The following KIF14 variants were observed in gnomAD, a reference collection of about 807,000 sequenced individuals.
KIF14 encodes the protein kinesin-like protein KIF14.
Under a neutral mutation model 176.2 loss-of-function variants are expected in KIF14, and 98 were observed. The observed-to-expected ratio is 0.56, with a 90% CI of 0.47 to 0.66. The LOEUF (loss-of-function observed/expected upper bound fraction) is 0.66. Ranked by LOEUF, KIF14 falls within the 30% of genes least tolerant of loss-of-function variation. The pLI is 0.00. For missense variants in KIF14, 1,751 were observed against 1,920.4 expected (o/e 0.91, Z 1.65); for synonymous variants, 566 against 632.2 (o/e 0.90, Z 1.57).
chr1:200,592,372 T>C (rs1659098037), intron 15 of KIF14, 132 bp from the exon 16 acceptor site: 1 of 683,570 alleles, frequency 1.5e-6, no homozygotes, highest in Non-Finnish European at 2.3e-6. Context: ...GCAACTAACA[T>C]TTATTACTTT....
intron 28 of KIF14, among the ~76,000 whole-genome samples, chr1:200,555,065 G>A (rs1014569620): frequency 6.6e-6 from 1 of 151,892 alleles, no homozygotes; most frequent in Non-Finnish European, 1.5e-5. Context: ...TAAAATCTTT[G>A]AGCACAATGA....
intron 14 of KIF14, among the ~76,000 whole-genome samples, chr1:200,594,925 T>C (rs1433227633): frequency 1.3e-5 from 2 of 152,238 alleles, no homozygotes; most frequent in Non-Finnish European, 2.9e-5. Flanking sequence ...GTACTTGTTC[T>C]GATCCCTTTC....
intron 14 of KIF14, among the ~76,000 whole-genome samples, chr1:200,594,728 G>T (rs961473763): frequency 1.3e-5 from 2 of 152,142 alleles, no homozygotes; most frequent in African/African-American, 4.8e-5. Context: ...AAGAAAAACT[G>T]CAACAAAAGC....
chr1:200,605,524 G>A (rs1247014931), intron 7 of KIF14, 134 bp from the exon 8 acceptor site: 4 of 558,128 alleles, frequency 7.2e-6, no homozygotes, highest in Non-Finnish European at 9.3e-6. Context: ...AATTAAGAGA[G>A]ATAACATATA....
chr1:200,590,541 GT>G (rs1174471344), intron 16 of KIF14, among the ~76,000 whole-genome samples: 1 of 152,048 alleles, frequency 6.6e-6, no homozygotes, highest in East Asian at 1.9e-4. Flanking sequence ...CAGTGCTTTA[GT>G]AACTACATTA....
rs1047902070 is a variant in KIF14, at chr1:200,552,711, C to A, written c.*677G>T. On this transcript the variant is annotated 3_prime_UTR_variant, in exon 30 of 30. Coordinates refer to ENST00000367350, the MANE Select transcript of KIF14 (RefSeq NM_014875.3). Reference sequence around the variant, plus strand: ...CTTTGAGAAAAGAATTTTTGATTAACAATGCAAGTTAAGTTGTCTTAGTTA... The same window carrying A: ...CTTTGAGAAAAGAATTTTTGATTAAAAATGCAAGTTAAGTTGTCTTAGTTA... The A allele has an allele frequency of 3.4e-4, 51 of 152,096 alleles. No homozygotes were observed. Among genetic ancestry groups the A allele is most frequent in the African/African-American group, 1.2e-3 (49 of 41,520 alleles). 9.4% of individuals were successfully genotyped at this position (152,096 alleles called of 1,614,324 possible).
chr1:200,571,176 G>A (rs898557314), intron 22 of KIF14, among the ~76,000 whole-genome samples: 11 of 152,010 alleles, frequency 7.2e-5, no homozygotes, highest in African/African-American at 2.2e-4. Flanking sequence ...CTAGCCGGGC[G>A]TGGTGGCAGC....
At chr1:200,567,005 T>G (rs1458465884) in intron 23 of KIF14, among the ~76,000 whole-genome samples, 4 of 151,220 alleles carry the variant, frequency 2.6e-5, no homozygotes, top group African/African-American at 9.7e-5. Flanking sequence ...TGAAACCCCG[T>G]CTCTACTAAA....
intron 18 of KIF14, 77 bp from the exon 19 acceptor site, chr1:200,586,304 T>C: frequency 7.9e-7 from 1 of 1,269,844 alleles, no homozygotes; most frequent in Middle Eastern, 2.4e-4. Context: ...ATTGAGATGA[T>C]GGATATGTTA....
At position 200,618,620 on chromosome 1, in the gene KIF14, C is replaced by A; in HGVS notation, c.104G>T (p.Arg35Leu). The A allele has an allele frequency of 5.0e-6, 8 of 1,614,024 alleles. No homozygotes were observed. Among genetic ancestry groups the A allele is most frequent in the Non-Finnish European group, 6.8e-6 (8 of 1,180,018 alleles). ...ATCCGACTTCAAATGCAGCTTAAGTCGGCTACTGTGGGTGAGGGCATTCAG... is the reference window on the plus strand; with the variant it reads ...ATCCGACTTCAAATGCAGCTTAAGTAGGCTACTGTGGGTGAGGGCATTCAG... ...SSLNALTHSSRLKLHLKSDMS... is the reference protein window; with the variant it reads ...SSLNALTHSSLLKLHLKSDMS... Residue 35 changes from arginine to leucine, a missense_variant, in exon 2 of 30, where the codon CGA becomes CTA. Transcript: ENST00000367350.
rs773306782 is a variant in KIF14, at chr1:200,603,264, C to T, written c.1941G>A (p.Arg647=). The T allele has an allele frequency of 3.7e-6, 6 of 1,609,104 alleles. No individual in the cohort carries two copies. Among genetic ancestry groups the T allele is most frequent in the Non-Finnish European group, 8.5e-7 (1 of 1,176,520 alleles). Residue 647 remains arginine, a synonymous_variant, in exon 10 of 30, where the codon AGG becomes AGA. Transcript: ENST00000367350. The part of the protein sequence containing the change: ...ISALSEQANQ[R]SVFIPYRESV... The stretch of plus-strand genomic sequence containing the variant: ...ATTCACGATAAGGAATAAAAACACT[C>T]CTTTGGTTTGCTTGTTCCGAAAGTG...
At chr1:200,619,607 T>C (rs1558099512) in intron 1 of KIF14, among the ~76,000 whole-genome samples, 1 of 152,182 alleles carries the variant, frequency 6.6e-6, no homozygotes, top group Non-Finnish European at 1.5e-5. Flanking sequence ...CGCCTCGGCC[T>C]CCCAAAGTGC....
At position 200,580,399 on chromosome 1, in the gene KIF14, A is replaced by T. The variant is rs1352361176; in HGVS notation, c.3336-16T>A. On this transcript the variant is annotated splice_polypyrimidine_tract_variant and intron_variant, in intron 20 of 29. Coordinates refer to ENST00000367350, the MANE Select transcript of KIF14 (RefSeq NM_014875.3). ...TATATCATGTCTGAAAGAAAAATAAACAAAAAAAAGCTTATCCTGAAACAT... is the reference window on the plus strand; with the variant it reads ...TATATCATGTCTGAAAGAAAAATAATCAAAAAAAAGCTTATCCTGAAACAT... The T allele has an allele frequency of 3.6e-5, 52 of 1,440,928 alleles. No individual in the cohort carries two copies. Among genetic ancestry groups the T allele is most frequent in the Non-Finnish European group, 4.8e-5 (52 of 1,089,778 alleles). 89.3% of individuals were successfully genotyped at this position (1,440,928 alleles called of 1,614,324 possible). A position where few individuals can be genotyped will look rare whatever the true frequency, so the allele number is the denominator to read the frequency against.
At chr1:200,576,294 C>T (rs1017728488) in intron 21 of KIF14, among the ~76,000 whole-genome samples, 1 of 151,618 alleles carries the variant, frequency 6.6e-6, no homozygotes, top group Admixed American at 6.6e-5. Context: ...CTGGCTAACA[C>T]GGTGAAACCC....
chr1:200,563,580 T>C (rs1409412468), intron 25 of KIF14, among the ~76,000 whole-genome samples: 1 of 152,100 alleles, frequency 6.6e-6, no homozygotes, highest in Non-Finnish European at 1.5e-5. Flanking sequence ...ACAAGTTGGA[T>C]ATTTGTTATT....
At chr1:200,575,728 G>T (rs775232591) in intron 21 of KIF14, 37 bp from the exon 22 acceptor site, 1 of 1,251,010 alleles carries the variant, frequency 8.0e-7, no homozygotes, top group Non-Finnish European at 1.1e-6. Context: ...AGTAAATTTG[G>T]GGTGAAAAAA....
In KIF14 at chr1:200,618,445, TCTC is replaced by T. The variant is rs1558098120; in HGVS notation, c.276_278del (p.Arg93del). On this transcript the variant is annotated inframe_deletion, in exon 2 of 30. Coordinates refer to ENST00000367350, the MANE Select transcript of KIF14 (RefSeq NM_014875.3). The stretch of plus-strand genomic sequence containing the variant: ...AAGATGATTCTTTGTTCCTTGTAGT[TCTC>T]CTCTGAAGTGCCAATCTACCTACAG... 6.2e-7 allele frequency: 1 copy of T among 1,614,180 alleles called. No homozygotes were observed. The highest frequency in any genetic ancestry group is 8.5e-7 in the Non-Finnish European group (1 of 1,180,022).
chr1:200,610,989 C>G (rs938449295), intron 4 of KIF14, among the ~76,000 whole-genome samples: 7 of 152,074 alleles, frequency 4.6e-5, no homozygotes, highest in African/African-American at 1.4e-4. Flanking sequence ...TAAGATGGAA[C>G]CTTAAATCAA....
intron 13 of KIF14, among the ~76,000 whole-genome samples, chr1:200,599,751 G>T (rs1659534362): frequency 6.6e-6 from 1 of 152,160 alleles, no homozygotes. Context: ...AATCACCTTG[G>T]CTTCCCCTGT....
Sources: gnomAD v4.1 joint callset for allele counts (sites outside exome capture counted in the v4.1 genomes callset) on GRCh38, gnomAD v4.1.1 for gene constraint, MANE v1.5 for transcripts, NCBI Gene and HGNC (gene_info 2026-07-23, HGNC 2026-07-21) for gene names.